TANC1: variants seen among roughly 807,000 people sequenced by gnomAD.
The protein encoded by TANC1 is protein TANC1.
A neutral mutation model predicts 149.7 loss-of-function variants in TANC1; 77 were observed. The observed-to-expected ratio is 0.51, with a 90% CI of 0.43 to 0.62. The LOEUF (loss-of-function observed/expected upper bound fraction) is 0.62. Among genes scored for constraint, TANC1 ranks in the 20% least tolerant of loss-of-function variants. TANC1 has a pLI of 0.00. For missense variants in TANC1, 1,985 were observed against 2,321.8 expected, an observed-to-expected ratio of 0.85 and a Z score of 2.98; for synonymous variants, 854 against 925.0, an observed-to-expected ratio of 0.92 and a Z score of 1.39.
intron 2 of TANC1, among the ~76,000 whole-genome samples, chr2:159,023,079 G>A (rs1338710022): frequency 6.6e-6 from 1 of 152,192 alleles, no homozygotes; most frequent in African/African-American, 2.4e-5. Flanking sequence ...TATAGTGGGA[G>A]CATAGGGAAA....
intron 23 of TANC1, chr2:159,225,438 T>G (rs10199101): frequency 0.057 from 31,608 of 551,622 alleles, 2,543 homozygotes; most frequent in East Asian, 0.24. Context: ...AGGAATGAGT[T>G]TTCGCTGCTC....
At chr2:159,013,154 T>C (rs2037935672) in intron 2 of TANC1, among the ~76,000 whole-genome samples, 1 of 152,244 alleles carries the variant, frequency 6.6e-6, no homozygotes, top group Admixed American at 6.5e-5. Context: ...TGCCCCAATC[T>C]GCTTTTGGGC....
intron 22 of TANC1, among the ~76,000 whole-genome samples, chr2:159,223,286 C>CT (rs1327712517): frequency 2.0e-5 from 3 of 152,096 alleles, no homozygotes; most frequent in East Asian, 1.9e-4. Flanking sequence ...GTCTGAGGTG[C>CT]TTTTTTTAAT....
chr2:159,035,091 A>G (rs1021707626), intron 2 of TANC1, among the ~76,000 whole-genome samples: 2 of 152,210 alleles, frequency 1.3e-5, no homozygotes, highest in Non-Finnish European at 2.9e-5. Flanking sequence ...GGTACTTGGG[A>G]GAAAAAAAAT....
At position 159,136,039 on chromosome 2, in the gene TANC1, T is replaced by C. The variant is rs1023211483; in HGVS notation, c.260-155T>C. Reference sequence around the variant, plus strand: ...GTGTGTGTGTGTGTGTGTGTGTGTGTGTGTGTGTGTGCGCGCGCGCGCGTT... The same window carrying C: ...GTGTGTGTGTGTGTGTGTGTGTGTGCGTGTGTGTGTGCGCGCGCGCGCGTT... On this transcript the variant is annotated intron_variant, in intron 4 of 26. Transcript: ENST00000263635. Among the ~76,000 whole-genome samples the C allele has an allele frequency of 1.3e-3, 70 of 54,096 alleles. 2 individuals carry two copies. Among genetic ancestry groups the C allele is most frequent in the African/African-American group, 3.1e-3 (59 of 19,098 alleles). The allele number at this position is 54,096 out of a possible 152,430, so 35.5% of individuals were successfully genotyped here.
chr2:159,004,086 A>G, intron 2 of TANC1: 3 of 1,612,060 alleles, frequency 1.9e-6, no homozygotes, highest in Non-Finnish European at 2.5e-6. Context: ...CCTTTCTGCT[A>G]ATACCTTTGC....
intron 19 of TANC1, among the ~76,000 whole-genome samples, chr2:159,203,525 G>A (rs1437442324): frequency 2.6e-5 from 4 of 151,456 alleles, no homozygotes; most frequent in Non-Finnish European, 4.4e-5. Flanking sequence ...TATTTGATGT[G>A]GCTTATTTGA....
intron 1 of TANC1, among the ~76,000 whole-genome samples, chr2:159,000,275 C>T (rs1009676785): frequency 4.0e-5 from 6 of 151,824 alleles, no homozygotes; most frequent in Admixed American, 3.3e-4. Flanking sequence ...GAGGCAGGTG[C>T]ATGTGGGTAA....
At chr2:159,003,319 A>G (rs1327208679) in intron 2 of TANC1, among the ~76,000 whole-genome samples, 4 of 152,226 alleles carry the variant, frequency 2.6e-5, no homozygotes, top group Non-Finnish European at 2.9e-5. Flanking sequence ...GTAGCGAAGT[A>G]GCCCTTTGTT....
chr2:159,192,116 C>G (rs1036301404), intron 16 of TANC1, among the ~76,000 whole-genome samples: 1 of 152,070 alleles, frequency 6.6e-6, no homozygotes, highest in Non-Finnish European at 1.5e-5. Context: ...ATACCTAGAT[C>G]CAGGGAGATT....
At chr2:159,171,871 A>AAAAAGAAAAG (rs367628268) in intron 10 of TANC1, among the ~76,000 whole-genome samples, 4 of 105,598 alleles carry the variant, frequency 3.8e-5, no homozygotes, top group African/African-American at 1.0e-4. Context: ...AAAAAAAAAA[A>AAAAAGAAAAG]AAAAGAAAAA....
chr2:159,231,915 T>C lies in TANC1; in HGVS notation c.*903T>C, dbSNP rs2060346666. 2 of 152,438 alleles carry C rather than the reference T, an allele frequency of 1.3e-5. No homozygotes were observed. Among genetic ancestry groups the C allele is most frequent in the African/African-American group, 4.8e-5 (2 of 41,464 alleles). The allele number at this position is 152,438 out of a possible 1,614,324, so 9.4% of individuals were successfully genotyped here. On this transcript the variant is annotated 3_prime_UTR_variant, in exon 27 of 27. Coordinates refer to ENST00000263635, the MANE Select transcript of TANC1 (RefSeq NM_033394.3). ...AAGGTAAGACTGGTTGTTACTTTTG[T>C]TTTGTTGTACAATTAGTACTTTATA...
intron 2 of TANC1, among the ~76,000 whole-genome samples, chr2:159,020,783 T>C (rs979804768): frequency 6.6e-6 from 1 of 152,050 alleles, no homozygotes; most frequent in Non-Finnish European, 1.5e-5. Context: ...CGTTGTGTGG[T>C]ACAGCCAGAA....
At chr2:159,227,570 CCTT>C (rs2060091062) in intron 24 of TANC1, 1 of 493,640 alleles carries the variant, frequency 2.0e-6, no homozygotes, top group Non-Finnish European at 3.5e-6. Flanking sequence ...TTTACAGACA[CCTT>C]ATTGTAAAAC....
At chr2:159,143,793 G>C (rs936835130) in intron 5 of TANC1, among the ~76,000 whole-genome samples, 24 of 152,038 alleles carry the variant, frequency 1.6e-4, no homozygotes, top group Non-Finnish European at 3.1e-4. Context: ...ATTAAAGTTT[G>C]TAAAATTGTA....
At chr2:159,128,373 G>A (rs1397194037) in intron 4 of TANC1, among the ~76,000 whole-genome samples, 1 of 152,176 alleles carries the variant, frequency 6.6e-6, no homozygotes, top group African/African-American at 2.4e-5. Flanking sequence ...TGGGGGGCCT[G>A]GTGCTGCGTT....
intron 16 of TANC1, among the ~76,000 whole-genome samples, chr2:159,190,114 TTAGA>T: frequency 6.6e-6 from 1 of 152,264 alleles, no homozygotes; most frequent in Non-Finnish European, 1.5e-5. Flanking sequence ...AGAGTACCTG[TTAGA>T]TAGAATGGGA....
intron 2 of TANC1, among the ~76,000 whole-genome samples, chr2:159,015,198 C>T (rs193230577): frequency 7.0e-4 from 107 of 152,360 alleles, no homozygotes; most frequent in African/African-American, 2.4e-3. Flanking sequence ...CAGAGATTCT[C>T]AAACCTCAGT....
chr2:159,198,770 C>G (rs1271736261), intron 18 of TANC1, among the ~76,000 whole-genome samples: 2 of 152,112 alleles, frequency 1.3e-5, no homozygotes, highest in African/African-American at 4.8e-5. Flanking sequence ...CTGAAATTCA[C>G]TGAGATTTTT....
Sources: allele counts gnomAD v4.1 joint callset (sites outside exome capture counted in the v4.1 genomes callset), GRCh38; gene constraint gnomAD v4.1.1; transcripts MANE v1.5; gene names NCBI Gene and HGNC (gene_info 2026-07-23, HGNC 2026-07-21).